MEF2C: variants seen among roughly 807,000 people sequenced by gnomAD.
The protein encoded by MEF2C is myocyte-specific enhancer factor 2C.
Under a neutral mutation model 50.5 loss-of-function variants are expected in MEF2C, and 6 were observed. The ratio of observed to expected loss-of-function variants is 0.12; its 90% CI spans 0.07 to 0.23. The LOEUF (loss-of-function observed/expected upper bound fraction) is 0.23, where lower values mean the gene tolerates loss of function less well. Among genes scored for constraint, MEF2C ranks in the 10% least tolerant of loss-of-function variants. The probability of loss-of-function intolerance (pLI) is 1.00; values close to 1 mark genes in which losing one functional copy is unlikely to be tolerated. For missense variants in MEF2C, 276 were observed against 605.0 expected, an observed-to-expected ratio of 0.46 and a Z score of 5.70; for synonymous variants, 183 against 228.0, an observed-to-expected ratio of 0.80 and a Z score of 1.78.
chr5:88,735,216 G>A lies in MEF2C; in HGVS notation c.638-3315C>T, dbSNP rs975645881. ...GCCTCCTCCTCACTCAGAATGCTGC[G>A]GCCTGTGTTGAGCCTGTTGTCCCAC... On this transcript the variant is annotated intron_variant, in intron 6 of 10. Transcript: ENST00000504921. The A allele has an allele frequency of 1.5e-5, 15 of 985,220 alleles. No homozygotes were observed. The East Asian group carries it at 5.7e-4, about 37-fold the overall frequency. 61.0% of individuals were successfully genotyped at this position (985,220 alleles called of 1,614,324 possible).
At chr5:88,842,031 G>C (rs1817570443) in intron 1 of MEF2C, among the ~76,000 whole-genome samples, 1 of 151,972 alleles carries the variant, frequency 6.6e-6, no homozygotes, top group Non-Finnish European at 1.5e-5. Flanking sequence ...AATACATTCA[G>C]ATTTCCATTC....
chr5:88,899,613 G>A (rs1835443773), intron 1 of MEF2C, among the ~76,000 whole-genome samples: 1 of 152,092 alleles, frequency 6.6e-6, no homozygotes, highest in Non-Finnish European at 1.5e-5. Context: ...TAATGAGGAA[G>A]CCTCTATGAT....
At chr5:88,730,007 A>G (rs1388348148) in intron 8 of MEF2C, among the ~76,000 whole-genome samples, 1 of 142,654 alleles carries the variant, frequency 7.0e-6, no homozygotes, top group Non-Finnish European at 1.6e-5. Flanking sequence ...TAAAATATTG[A>G]AAACAGAAAA....
chr5:88,732,992 AAGGCCCC>A lies in MEF2C; in HGVS notation c.638-1098_638-1092del, dbSNP rs1762323948. The A allele has an allele frequency of 8.7e-6, 7 of 807,600 alleles. No homozygotes were observed. In the South Asian group the frequency reaches 2.8e-4, roughly 33 times the overall value. 50.0% of individuals were successfully genotyped at this position (807,600 alleles called of 1,614,324 possible). On this transcript the variant is annotated intron_variant, in intron 6 of 10. Coordinates refer to ENST00000504921, the MANE Select transcript of MEF2C (RefSeq NM_002397.5). ...TGCTACCCAGTGAGGATGCAAAGAC[AAGGCCCC>A]AGGCTTGAAAAGCTCTGAAATCTCT... is the stretch of plus-strand genomic sequence containing the variant.
intron 1 of MEF2C, among the ~76,000 whole-genome samples, chr5:88,872,390 A>G (rs1829778846): frequency 6.6e-6 from 1 of 151,996 alleles, no homozygotes; most frequent in South Asian, 2.1e-4. Context: ...TATTTATTTA[A>G]TAACATCAAA....
chr5:88,896,462 A>C (rs1288989381), intron 1 of MEF2C, among the ~76,000 whole-genome samples: 1 of 152,154 alleles, frequency 6.6e-6, no homozygotes, highest in Non-Finnish European at 1.5e-5. Flanking sequence ...TGAAAGAGAG[A>C]ATTTGAAACG....
At chr5:88,808,745 G>A (rs959040518) in intron 2 of MEF2C, among the ~76,000 whole-genome samples, 4 of 151,948 alleles carry the variant, frequency 2.6e-5, no homozygotes, top group Non-Finnish European at 4.4e-5. Flanking sequence ...TTATTTTTAA[G>A]CATTAGGCTT....
intron 1 of MEF2C, among the ~76,000 whole-genome samples, chr5:88,832,446 G>T (rs915551418): frequency 6.6e-6 from 1 of 151,908 alleles, no homozygotes; most frequent in African/African-American, 2.4e-5. Flanking sequence ...CTTAATTTCT[G>T]CTCTAATTTT....
chr5:88,878,138 A>C (rs903000421), intron 1 of MEF2C: 1 of 152,060 alleles, frequency 6.6e-6, no homozygotes, highest in African/African-American at 2.4e-5. Context: ...TTGTTAATAC[A>C]CTGTGTATTT....
intron 6 of MEF2C, among the ~76,000 whole-genome samples, chr5:88,732,265 GGC>G (rs1762014514): frequency 6.6e-6 from 1 of 152,154 alleles, no homozygotes; most frequent in Non-Finnish European, 1.5e-5. Flanking sequence ...AGGCCTGGCT[GGC>G]GTGACTCACT....
At chr5:88,727,915 A>C (rs1410970401) in intron 10 of MEF2C, among the ~76,000 whole-genome samples, 2 of 152,120 alleles carry the variant, frequency 1.3e-5, no homozygotes, top group African/African-American at 4.8e-5. Flanking sequence ...GGGCAGAAAG[A>C]TACATCCTCT....
intron 1 of MEF2C, among the ~76,000 whole-genome samples, chr5:88,859,280 C>T (rs375074038): frequency 1.3e-5 from 2 of 152,098 alleles, no homozygotes; most frequent in Non-Finnish European, 2.9e-5. Flanking sequence ...TGCAGTGTGA[C>T]GGTATTCCTG....
intron 3 of MEF2C, among the ~76,000 whole-genome samples, chr5:88,788,486 A>T (rs1792148627): frequency 6.6e-6 from 1 of 152,050 alleles, no homozygotes; most frequent in African/African-American, 2.4e-5. Flanking sequence ...CTGGGATTAC[A>T]GGCATGAGCC....
chr5:88,840,822 AGAT>A (rs1226758994), intron 1 of MEF2C, among the ~76,000 whole-genome samples: 1 of 152,220 alleles, frequency 6.6e-6, no homozygotes, highest in Admixed American at 6.5e-5. Context: ...TGTGTGGTTT[AGAT>A]GATATTTTCC....
intron 1 of MEF2C, among the ~76,000 whole-genome samples, chr5:88,868,956 A>G (rs1034700374): frequency 6.6e-6 from 1 of 152,034 alleles, no homozygotes; most frequent in African/African-American, 2.4e-5. Context: ...ATACATTATA[A>G]TATTTGATAT....
chr5:88,756,037 T>C (rs1775129210), intron 4 of MEF2C, among the ~76,000 whole-genome samples: 1 of 152,222 alleles, frequency 6.6e-6, no homozygotes, highest in Admixed American at 6.5e-5. Context: ...GGCTAAGCAG[T>C]CAAATATAAT....
At chr5:88,897,001 G>A (rs188950103) in intron 1 of MEF2C, among the ~76,000 whole-genome samples, 16 of 151,724 alleles carry the variant, frequency 1.1e-4, no homozygotes, top group African/African-American at 7.3e-5. Flanking sequence ...TTTCCTTTGC[G>A]TTGGAAAATT....
chr5:88,717,977 C>T lies in MEF2C; in HGVS notation c.*4627G>A, dbSNP rs543583856. ...GTTATCAAAGATCTTCATGGAACTTCTTTGATAAAGAAGTTGAACCATTCA... is the reference window on the plus strand; with the variant it reads ...GTTATCAAAGATCTTCATGGAACTTTTTTGATAAAGAAGTTGAACCATTCA... On this transcript the variant is annotated 3_prime_UTR_variant, in exon 11 of 11. Transcript: ENST00000504921. 4.6e-5 allele frequency: 7 copies of T among 152,144 alleles called. No individual in the cohort carries two copies. The highest frequency in any genetic ancestry group is 1.0e-4 in the Non-Finnish European group (7 of 68,018). The allele number at this position is 152,144 out of a possible 1,614,324, so 9.4% of individuals were successfully genotyped here.
At chr5:88,855,760 G>C (rs917061094) in intron 1 of MEF2C, among the ~76,000 whole-genome samples, 3 of 152,184 alleles carry the variant, frequency 2.0e-5, no homozygotes, top group Non-Finnish European at 4.4e-5. Context: ...TGCCATGATT[G>C]TAAGTTTCCT....
Sources: gnomAD v4.1 joint callset for allele counts (sites outside exome capture counted in the v4.1 genomes callset) on GRCh38, gnomAD v4.1.1 for gene constraint, MANE v1.5 for transcripts, NCBI Gene and HGNC (gene_info 2026-07-23, HGNC 2026-07-21) for gene names.